Variants in NCK2 observed in about 807,000 individuals in gnomAD.
NCK2 encodes the protein NCK adaptor protein 2.
A neutral mutation model predicts 33.9 loss-of-function variants in NCK2; 16 were observed. The ratio of observed to expected loss-of-function variants is 0.47; its 90% CI spans 0.32 to 0.72. The LOEUF is 0.72. Among genes scored for constraint, NCK2 ranks in the 30% least tolerant of loss-of-function variants. The probability of loss-of-function intolerance (pLI) is 0.03; values close to 1 mark genes in which losing one functional copy is unlikely to be tolerated. For missense variants in NCK2, 418 were observed against 537.3 expected, an observed-to-expected ratio of 0.78 and a Z score of 2.19; for synonymous variants, 273 against 239.9, an observed-to-expected ratio of 1.14 and a Z score of -1.27.
chr2:105,890,427 C>A (rs2104688132), intron 4 of NCK2, among the ~76,000 whole-genome samples: 1 of 152,326 alleles, frequency 6.6e-6, no homozygotes, highest in East Asian at 1.9e-4. Flanking sequence ...TTATAGTAAA[C>A]TCTATAAGTG....
chr2:105,793,456 G>A (rs149730605), intron 1 of NCK2, among the ~76,000 whole-genome samples: 2 of 151,580 alleles, frequency 1.3e-5, no homozygotes, highest in African/African-American at 2.4e-5. Flanking sequence ...TCTGACCTCG[G>A]GCATCCTGTT....
At chr2:105,783,065 C>T (rs1184624106) in intron 1 of NCK2, among the ~76,000 whole-genome samples, 1 of 152,150 alleles carries the variant, frequency 6.6e-6, no homozygotes, top group African/African-American at 2.4e-5. Context: ...AACCGTGGAA[C>T]AAGATAGATG....
At chr2:105,750,069 A>ACAC (rs1558820044) in intron 1 of NCK2, among the ~76,000 whole-genome samples, 2 of 56,648 alleles carry the variant, frequency 3.5e-5, no homozygotes, top group African/African-American at 5.3e-5. Flanking sequence ...CACACACACA[A>ACAC]AACAACAACA....
At chr2:105,868,054 C>T (rs1677831320) in intron 3 of NCK2, among the ~76,000 whole-genome samples, 1 of 152,072 alleles carries the variant, frequency 6.6e-6, no homozygotes. Context: ...AGAGAGCGCT[C>T]GTTTACTGGC....
intron 1 of NCK2, among the ~76,000 whole-genome samples, chr2:105,790,009 A>G (rs1690823988): frequency 6.6e-6 from 1 of 152,228 alleles, no homozygotes; most frequent in South Asian, 2.1e-4. Context: ...GTGTTCATGT[A>G]TTGAGTGCAA....
chr2:105,752,740 G>A (rs191428455), intron 1 of NCK2, among the ~76,000 whole-genome samples: 1 of 152,174 alleles, frequency 6.6e-6, no homozygotes, highest in Admixed American at 6.5e-5. Flanking sequence ...ATGGCCTCCA[G>A]TTCCATCTGT....
chr2:105,870,294 C>T (rs1421803728), intron 3 of NCK2, among the ~76,000 whole-genome samples: 1 of 152,232 alleles, frequency 6.6e-6, no homozygotes, highest in Non-Finnish European at 1.5e-5. Context: ...GCCCTAACCC[C>T]CACCCAGGCA....
In NCK2 at chr2:105,855,081, T is replaced by A. The variant is rs758898610; in HGVS notation, c.18T>A (p.Ile6=). The A allele has an allele frequency of 1.2e-6, 2 of 1,614,200 alleles. No homozygotes were observed. The highest frequency in any genetic ancestry group is 1.7e-6 in the Non-Finnish European group (2 of 1,180,028). ...CATGAAAGATGACAGAAGAAGTTAT[T>A]GTGATAGCCAAGTGGGACTACACCG... MTEEV[I]VIAKWDYTAQ... The change falls in exon 3 of 5, where the codon ATT becomes ATA. Residue 6 remains isoleucine, a synonymous_variant. Coordinates refer to ENST00000233154, the MANE Select transcript of NCK2 (RefSeq NM_003581.5).
chr2:105,886,342 C>G (rs1198006582), intron 4 of NCK2, among the ~76,000 whole-genome samples: 1 of 152,222 alleles, frequency 6.6e-6, no homozygotes, highest in African/African-American at 2.4e-5. Flanking sequence ...GGCCAGAGCC[C>G]TTGAAGACTC....
intron 2 of NCK2, among the ~76,000 whole-genome samples, chr2:105,835,424 T>TATA (rs1553458625): frequency 1.2e-4 from 15 of 122,530 alleles, no homozygotes; most frequent in East Asian, 2.4e-4. Flanking sequence ...TATATATATA[T>TATA]TTTTTTTTTG....
At chr2:105,771,395 C>T (rs1219401166) in intron 1 of NCK2, among the ~76,000 whole-genome samples, 2 of 151,752 alleles carry the variant, frequency 1.3e-5, no homozygotes, top group Non-Finnish European at 2.9e-5. Context: ...AGTGAATCCC[C>T]GTTTCTATTA....
rs201216509 is a variant in NCK2 at position 105,833,572 on chromosome 2, ATTAT to A, written c.-17+16966_-17+16969del. ...GATATTATTTATTTGATATTCTGAT[ATTAT>A]TTATTTGGCTTTTCTGTTTTTCATA... On this transcript the variant is annotated intron_variant, in intron 2 of 4. Coordinates refer to ENST00000233154, the MANE Select transcript of NCK2 (RefSeq NM_003581.5). Among the ~76,000 whole-genome samples, 567 of 152,178 alleles carry A rather than the reference ATTAT, an allele frequency of 3.7e-3. 3 individuals are homozygous for A. The highest frequency in any genetic ancestry group is 0.013 in the African/African-American group (546 of 41,552).
chr2:105,807,384 G>A (rs1288860974), intron 1 of NCK2, among the ~76,000 whole-genome samples: 4 of 152,176 alleles, frequency 2.6e-5, no homozygotes, highest in Non-Finnish European at 1.5e-5. Flanking sequence ...AAAGCCCTCC[G>A]ATTTATATAT....
intron 4 of NCK2, among the ~76,000 whole-genome samples, chr2:105,882,297 G>A (rs375062581): frequency 6.6e-6 from 1 of 152,290 alleles, no homozygotes; most frequent in South Asian, 2.1e-4. Context: ...AGGTGGTTCT[G>A]CTTCTCTCCC....
At chr2:105,803,850 C>T (rs771872369) in intron 1 of NCK2, among the ~76,000 whole-genome samples, 30 of 152,002 alleles carry the variant, frequency 2.0e-4, no homozygotes, top group East Asian at 9.7e-4. Flanking sequence ...AGGTAGGGTC[C>T]GTTTGGAATG....
chr2:105,780,688 C>A (rs369767811), intron 1 of NCK2, among the ~76,000 whole-genome samples: 21 of 152,124 alleles, frequency 1.4e-4, no homozygotes, highest in African/African-American at 5.1e-4. Flanking sequence ...GGAGGTGGGG[C>A]CTTTGGGAGG....
intron 1 of NCK2, among the ~76,000 whole-genome samples, chr2:105,789,076 C>G (rs932591020): frequency 6.6e-6 from 1 of 152,176 alleles, no homozygotes; most frequent in Non-Finnish European, 1.5e-5. Context: ...AGGGTTCCAG[C>G]GCCCAAGTGA....
At chr2:105,749,568 A>C (rs1355137093) in intron 1 of NCK2, among the ~76,000 whole-genome samples, 1 of 152,190 alleles carries the variant, frequency 6.6e-6, no homozygotes, top group Non-Finnish European at 1.5e-5. Flanking sequence ...CAGGCCATAC[A>C]TGAGGAACAC....
chr2:105,788,726 A>AT (rs887828418), intron 1 of NCK2, among the ~76,000 whole-genome samples: 41 of 151,894 alleles, frequency 2.7e-4, no homozygotes, highest in African/African-American at 9.2e-4. Flanking sequence ...AGAATGCATA[A>AT]TTTTTTTTGT....
Sources: gnomAD v4.1 joint callset for allele counts (sites outside exome capture counted in the v4.1 genomes callset) on GRCh38, gnomAD v4.1.1 for gene constraint, MANE v1.5 for transcripts, NCBI Gene and HGNC (gene_info 2026-07-23, HGNC 2026-07-21) for gene names.